The following UNC13C variants were observed in gnomAD, a reference collection of about 807,000 sequenced individuals.
UNC13C encodes unc-13 homolog C, also known as protein unc-13 homolog C.
A neutral mutation model predicts 245.4 loss-of-function variants in UNC13C; 174 were observed. That is an observed-to-expected ratio of 0.71 (90% confidence interval 0.63 to 0.80). The LOEUF is 0.80. Ranked by LOEUF, UNC13C falls within the 30% of genes least tolerant of loss-of-function variation. UNC13C has a pLI of 0.00. For missense variants in UNC13C, 2,829 were observed against 2,602.9 expected (o/e 1.09, Z -1.89); for synonymous variants, 992 against 895.1 (o/e 1.11, Z -1.93).
chr15:54,010,732 C>T (rs1895345779), intron 1 of UNC13C, among the ~76,000 whole-genome samples: 2 of 152,064 alleles, frequency 1.3e-5, no homozygotes, highest in African/African-American at 4.8e-5. Context: ...AAGACCACGT[C>T]GGATACAATT....
chr15:53,897,723 C>T, the UNC13C span, among the ~76,000 whole-genome samples: 408 of 152,290 alleles, frequency 2.7e-3, 2 homozygotes, highest in African/African-American at 9.4e-3. Context: ...GAAGCTATCC[C>T]TTAAATGACA....
intron 2 of UNC13C, among the ~76,000 whole-genome samples, chr15:54,133,584 TG>T (rs2141219247): frequency 6.6e-6 from 1 of 152,236 alleles, no homozygotes; most frequent in African/African-American, 2.4e-5. Flanking sequence ...AGCTGCAAAA[TG>T]AACCTGTTGT....
At chr15:54,587,546 A>G (rs986556535) in intron 30 of UNC13C, among the ~76,000 whole-genome samples, 3 of 152,216 alleles carry the variant, frequency 2.0e-5, no homozygotes, top group African/African-American at 7.2e-5. Context: ...ACTCACAACT[A>G]AGGAGTTTGG....
At chr15:54,053,275 A>G (rs557831953) in intron 2 of UNC13C, among the ~76,000 whole-genome samples, 29 of 151,962 alleles carry the variant, frequency 1.9e-4, no homozygotes, top group Non-Finnish European at 4.3e-4. Flanking sequence ...CAAGTGATAC[A>G]CTCACCTCAG....
the UNC13C span, among the ~76,000 whole-genome samples, chr15:53,916,299 G>A: frequency 6.6e-6 from 1 of 152,220 alleles, no homozygotes; most frequent in African/African-American, 2.4e-5. Flanking sequence ...TCAATAGGAA[G>A]TAGTCCAACA....
At chr15:54,003,241 CA>C (rs1169123983) in intron 1 of UNC13C, among the ~76,000 whole-genome samples, 2 of 152,080 alleles carry the variant, frequency 1.3e-5, no homozygotes, top group African/African-American at 2.4e-5. Context: ...AAAATCAAAA[CA>C]AAACAATACC....
intron 2 of UNC13C, among the ~76,000 whole-genome samples, chr15:54,111,787 A>T (rs989838530): frequency 3.3e-5 from 5 of 152,150 alleles, no homozygotes; most frequent in Non-Finnish European, 7.4e-5. Flanking sequence ...GGGGGCAGAG[A>T]GGAGTGCTGT....
chr15:53,931,084 A>C, the UNC13C span, among the ~76,000 whole-genome samples: 4 of 152,218 alleles, frequency 2.6e-5, no homozygotes, highest in African/African-American at 9.6e-5. Context: ...AATGACAGTG[A>C]CTTCTGCTTA....
intron 30 of UNC13C, among the ~76,000 whole-genome samples, chr15:54,606,302 C>T (rs149666089): frequency 6.6e-6 from 1 of 152,236 alleles, no homozygotes; most frequent in East Asian, 1.9e-4. Context: ...ACAAACTTTG[C>T]AAAGCTTTGC....
intron 2 of UNC13C, among the ~76,000 whole-genome samples, chr15:54,089,660 CTTTTTTT>C (rs59965194): frequency 0.052 from 7,311 of 140,492 alleles, 425 homozygotes; most frequent in East Asian, 0.29. Context: ...CTTCCAATAT[CTTTTTTT>C]TTTTTTTTTT....
chr15:54,075,246 G>A (rs940768233), intron 2 of UNC13C, among the ~76,000 whole-genome samples: 4 of 152,102 alleles, frequency 2.6e-5, no homozygotes, highest in African/African-American at 9.7e-5. Context: ...AGCACTTTGA[G>A]AGGCCGAGGC....
chr15:54,408,109 G>T (rs1165960420), intron 18 of UNC13C, among the ~76,000 whole-genome samples: 1 of 148,250 alleles, frequency 6.7e-6, no homozygotes, highest in African/African-American at 2.5e-5. Flanking sequence ...GCTGAGGCAG[G>T]AGAGTGGCAT....
intron 28 of UNC13C, among the ~76,000 whole-genome samples, chr15:54,551,131 A>G (rs778217128): frequency 2.0e-5 from 3 of 152,090 alleles, no homozygotes; most frequent in African/African-American, 7.2e-5. Flanking sequence ...TAGGGATTCA[A>G]ACAATTTTAC....
intron 13 of UNC13C, among the ~76,000 whole-genome samples, chr15:54,307,898 CTT>C (rs1337076074): frequency 6.6e-6 from 1 of 151,932 alleles, no homozygotes; most frequent in Non-Finnish European, 1.5e-5. Flanking sequence ...AAAATTCTAA[CTT>C]ATCACTGATA....
At chr15:53,941,789 C>A in the UNC13C span, among the ~76,000 whole-genome samples, 2 of 151,954 alleles carry the variant, frequency 1.3e-5, no homozygotes, top group Non-Finnish European at 2.9e-5. Flanking sequence ...ATTCATGGGG[C>A]CAAATATATG....
chr15:54,001,069 C>T (rs1305845122), intron 1 of UNC13C, among the ~76,000 whole-genome samples: 2 of 152,166 alleles, frequency 1.3e-5, no homozygotes, highest in Middle Eastern at 6.8e-3. Flanking sequence ...CCTCTTCCAC[C>T]CTACTAACAT....
chr15:54,275,479 A>G (rs181321957), intron 10 of UNC13C, among the ~76,000 whole-genome samples: 1 of 152,126 alleles, frequency 6.6e-6, no homozygotes, highest in African/African-American at 2.4e-5. Context: ...ATAATTGTAT[A>G]TGATATAGTT....
At chr15:54,375,180 T>A (rs951278421) in intron 17 of UNC13C, among the ~76,000 whole-genome samples, 5 of 152,228 alleles carry the variant, frequency 3.3e-5, no homozygotes, top group Non-Finnish European at 5.9e-5. Flanking sequence ...AAAGCTTGGA[T>A]GTTTTCCACA....
chr15:53,873,509 G>A, the UNC13C span, among the ~76,000 whole-genome samples: 5 of 152,120 alleles, frequency 3.3e-5, no homozygotes, highest in African/African-American at 4.8e-5. Flanking sequence ...CAGCCACACT[G>A]CTTCTTCCTT....
Sources: allele counts gnomAD v4.1 joint callset (sites outside exome capture counted in the v4.1 genomes callset), GRCh38; gene constraint gnomAD v4.1.1; transcripts MANE v1.5; gene names NCBI Gene and HGNC (gene_info 2026-07-23, HGNC 2026-07-21).